KALRN: variants seen among roughly 807,000 people sequenced by gnomAD.
The protein encoded by KALRN is kalirin.
Under a neutral mutation model 353.7 loss-of-function variants are expected in KALRN, and 70 were observed. The ratio of observed to expected loss-of-function variants is 0.20; its 90% CI spans 0.16 to 0.24. The LOEUF (loss-of-function observed/expected upper bound fraction) is 0.24, where lower values mean the gene tolerates loss of function less well. Among genes scored for constraint, KALRN ranks in the 10% least tolerant of loss-of-function variants. KALRN has a pLI of 1.00. For missense variants in KALRN, 2,791 were observed against 3,756.7 expected (o/e 0.74, Z 6.72); for synonymous variants, 1,391 against 1,434.8 (o/e 0.97, Z 0.69).
chr3:124,140,579 C>T (rs985064885), intron 1 of KALRN, among the ~76,000 whole-genome samples: 2 of 152,178 alleles, frequency 1.3e-5, no homozygotes, highest in Non-Finnish European at 2.9e-5. Context: ...TCCTGTGATT[C>T]CCTGCCCATG....
At chr3:124,167,958 C>T (rs947543970) in intron 1 of KALRN, among the ~76,000 whole-genome samples, 2 of 152,150 alleles carry the variant, frequency 1.3e-5, no homozygotes, top group African/African-American at 4.8e-5. Flanking sequence ...GGAGTGCACC[C>T]CTGCCCTCAG....
chr3:124,210,361 G>A (rs1310653165), intron 1 of KALRN, among the ~76,000 whole-genome samples: 1 of 152,134 alleles, frequency 6.6e-6, no homozygotes, highest in Non-Finnish European at 1.5e-5. Context: ...TTAATTGGCA[G>A]CAGTTTTTTC....
chr3:124,523,614 A>G (rs2067338679), intron 33 of KALRN, among the ~76,000 whole-genome samples: 1 of 152,260 alleles, frequency 6.6e-6, no homozygotes, highest in Non-Finnish European at 1.5e-5. Flanking sequence ...CTGTTTCACG[A>G]AAGTACCCAG....
intron 57 of KALRN, among the ~76,000 whole-genome samples, chr3:124,708,405 G>A (rs1381570000): frequency 1.3e-5 from 2 of 151,814 alleles, no homozygotes; most frequent in African/African-American, 2.4e-5. Context: ...TGAAATGAAT[G>A]GAAAGATAGA....
chr3:124,589,693 C>T (rs934232047), intron 34 of KALRN, among the ~76,000 whole-genome samples: 3 of 152,196 alleles, frequency 2.0e-5, no homozygotes, highest in African/African-American at 7.2e-5. Context: ...AATGCCTTTA[C>T]CATGATGGAA....
chr3:124,195,908 C>G (rs1326438100), intron 1 of KALRN, among the ~76,000 whole-genome samples: 1 of 152,144 alleles, frequency 6.6e-6, no homozygotes, highest in African/African-American at 2.4e-5. Context: ...CGCTCTTTTG[C>G]TTTGGGAGAA....
chr3:124,046,137 A>G (rs566361080), intron 1 of KALRN, among the ~76,000 whole-genome samples: 6 of 152,322 alleles, frequency 3.9e-5, no homozygotes, highest in African/African-American at 1.4e-4. Context: ...AAAAATTTTA[A>G]AAGGTTATCA....
intron 1 of KALRN, among the ~76,000 whole-genome samples, chr3:124,129,519 C>T (rs1485933011): frequency 1.3e-5 from 2 of 152,182 alleles, no homozygotes; most frequent in Non-Finnish European, 2.9e-5. Flanking sequence ...TTGTCTTAGG[C>T]ACTGCACTTG....
At chr3:124,571,424 C>T (rs2073496031) in intron 34 of KALRN, among the ~76,000 whole-genome samples, 1 of 152,208 alleles carries the variant, frequency 6.6e-6, no homozygotes, top group African/African-American at 2.4e-5. Flanking sequence ...ATCTGTTGTC[C>T]TCTCTGGGCA....
chr3:124,367,065 C>T, intron 10 of KALRN, among the ~76,000 whole-genome samples: 8 of 126,840 alleles, frequency 6.3e-5, no homozygotes, highest in African/African-American at 2.3e-4. Flanking sequence ...GGGGGGCTGA[C>T]CCCCCCACCT....
At chr3:124,619,294 A>G (rs551205724) in intron 34 of KALRN, among the ~76,000 whole-genome samples, 37 of 152,120 alleles carry the variant, frequency 2.4e-4, no homozygotes, top group Non-Finnish European at 4.9e-4. Flanking sequence ...AAATACATAC[A>G]TCAGTTTCTT....
At chr3:124,662,579 G>A (rs999301944) in intron 45 of KALRN, among the ~76,000 whole-genome samples, 1 of 152,048 alleles carries the variant, frequency 6.6e-6, no homozygotes, top group Non-Finnish European at 1.5e-5. Flanking sequence ...TTGAGAAGGT[G>A]GTTCTGGCTT....
At chr3:124,262,495 G>T (rs1487427344) in intron 3 of KALRN, among the ~76,000 whole-genome samples, 1 of 152,206 alleles carries the variant, frequency 6.6e-6, no homozygotes, top group Non-Finnish European at 1.5e-5. Context: ...TTTATGGAAA[G>T]CTTCGGCCAC....
intron 3 of KALRN, among the ~76,000 whole-genome samples, chr3:124,264,003 G>T (rs988474936): frequency 1.3e-5 from 2 of 151,116 alleles, no homozygotes; most frequent in African/African-American, 4.9e-5. Context: ...TTGACTACAG[G>T]TTGGGTAGCT....
At chr3:124,642,806 G>GTTTTTTTTTTGTTGTTGT (rs1553707031) in intron 37 of KALRN, among the ~76,000 whole-genome samples, 12 of 96,818 alleles carry the variant, frequency 1.2e-4, no homozygotes, top group East Asian at 4.8e-4. Context: ...CCCAAGCCTC[G>GTTTTTTTTTTGTTGTTGT]TTTTTTTTTT....
intron 1 of KALRN, among the ~76,000 whole-genome samples, chr3:124,081,926 C>G (rs969944521): frequency 6.6e-6 from 1 of 152,194 alleles, no homozygotes; most frequent in African/African-American, 2.4e-5. Context: ...TGAGTCACAG[C>G]CTTACTGGCT....
chr3:124,494,475 C>A (rs913126787), intron 32 of KALRN, among the ~76,000 whole-genome samples: 1 of 152,148 alleles, frequency 6.6e-6, no homozygotes, highest in Non-Finnish European at 1.5e-5. Flanking sequence ...GGAGCGCTGG[C>A]CCAGATAATC....
At chr3:124,454,930 C>T (rs982233809) in intron 21 of KALRN, among the ~76,000 whole-genome samples, 1 of 152,068 alleles carries the variant, frequency 6.6e-6, no homozygotes, top group African/African-American at 2.4e-5. Flanking sequence ...AACAAGTTCC[C>T]CCCACCCCAG....
chr3:124,608,547 T>A lies in KALRN; in HGVS notation c.5183-23873T>A, dbSNP rs73191660. ...ATCCTGTCTCCCTTCTTCCCCTCCC[T>A]CCTGATAGTCTGTGGACCGTATGTT... On this transcript the variant is annotated intron_variant, in intron 34 of 59. Coordinates refer to ENST00000682506, the MANE Select transcript of KALRN (RefSeq NM_001388419.1). Among the ~76,000 whole-genome samples, 1,269 of 152,208 alleles carry A rather than the reference T, an allele frequency of 8.3e-3. 12 individuals are homozygous for A. Among genetic ancestry groups the A allele is most frequent in the Non-Finnish European group, 0.014 (929 of 68,008 alleles).
Sources: gnomAD v4.1 joint callset for allele counts (sites outside exome capture counted in the v4.1 genomes callset) on GRCh38, gnomAD v4.1.1 for gene constraint, MANE v1.5 for transcripts, NCBI Gene and HGNC (gene_info 2026-07-23, HGNC 2026-07-21) for gene names.